Variants in PRKG1 observed in about 807,000 individuals in gnomAD.
The protein encoded by PRKG1 is protein kinase cGMP-dependent 1.
A neutral mutation model predicts 88.1 loss-of-function variants in PRKG1; 35 were observed. The observed-to-expected ratio is 0.40, with a 90% confidence interval of 0.30 to 0.53. PRKG1 has a LOEUF of 0.53. PRKG1 is among the 20% of genes least tolerant of loss of function. The pLI is 0.59. For missense variants in PRKG1, 540 were observed against 839.8 expected (o/e 0.64, Z 4.41); for synonymous variants, 303 against 292.5 (o/e 1.04, Z -0.37).
chr10:51,395,667 G>A lies in PRKG1; in HGVS notation c.479-72056G>A, dbSNP rs531025793. On this transcript the variant is annotated intron_variant, in intron 2 of 17. Coordinates refer to ENST00000373980, the MANE Select transcript of PRKG1 (RefSeq NM_006258.4). ...AAAAGTGGGAGAATTGAATGGCTGA[G>A]TAGAAGTAATTTTTCAGCGTTGGAA... Among the ~76,000 whole-genome samples, 63 of 152,328 alleles carry A rather than the reference G, an allele frequency of 4.1e-4. 1 individual carries two copies. In the South Asian group the frequency reaches 0.013, roughly 31 times the overall value.
chr10:51,364,350 C>G (rs1313085967), intron 2 of PRKG1, among the ~76,000 whole-genome samples: 2 of 151,958 alleles, frequency 1.3e-5, no homozygotes, highest in African/African-American at 4.8e-5. Context: ...ATACAAATAT[C>G]TGGTTTGGGC....
At chr10:51,760,948 C>G (rs542111904) in intron 3 of PRKG1, among the ~76,000 whole-genome samples, 10 of 152,032 alleles carry the variant, frequency 6.6e-5, no homozygotes, top group Non-Finnish European at 1.3e-4. Flanking sequence ...AATGCTGTCT[C>G]TACTAAAAAT....
chr10:51,803,705 T>C (rs972119366), intron 3 of PRKG1, among the ~76,000 whole-genome samples: 1 of 152,022 alleles, frequency 6.6e-6, no homozygotes, highest in African/African-American at 2.4e-5. Flanking sequence ...CCCATGACTA[T>C]GATATTTGAA....
chr10:52,132,401 G>C (rs534045451), intron 7 of PRKG1, among the ~76,000 whole-genome samples: 87 of 152,196 alleles, frequency 5.7e-4, no homozygotes, highest in African/African-American at 2.0e-3. Context: ...AAGGATTTTA[G>C]TAAGGGAGAA....
intron 3 of PRKG1, among the ~76,000 whole-genome samples, chr10:51,727,447 C>G (rs775947982): frequency 1.3e-5 from 2 of 152,118 alleles, no homozygotes; most frequent in Non-Finnish European, 2.9e-5. Context: ...ATGTGTCACT[C>G]TTAGCAGACT....
intron 7 of PRKG1, among the ~76,000 whole-genome samples, chr10:52,073,314 G>C (rs1286239377): frequency 6.6e-6 from 1 of 152,150 alleles, no homozygotes; most frequent in East Asian, 1.9e-4. Context: ...TTGAGGGCTA[G>C]GGCTTCGACA....
intron 9 of PRKG1, among the ~76,000 whole-genome samples, chr10:52,229,182 C>G (rs189421043): frequency 6.6e-6 from 1 of 151,892 alleles, no homozygotes; most frequent in African/African-American, 2.4e-5. Flanking sequence ...CTGAGAATGT[C>G]CCCCCAATAA....
intron 5 of PRKG1, among the ~76,000 whole-genome samples, chr10:52,043,934 C>G (rs1405595621): frequency 8.5e-6 from 1 of 117,524 alleles, no homozygotes; most frequent in South Asian, 2.8e-4. Flanking sequence ...AAAAAAAACC[C>G]AAGCATTTGT....
intron 3 of PRKG1, among the ~76,000 whole-genome samples, chr10:51,655,495 G>A (rs764373392): frequency 5.3e-5 from 8 of 151,980 alleles, no homozygotes; most frequent in Non-Finnish European, 1.0e-4. Flanking sequence ...AGCACATTTA[G>A]AATCTTTATT....
chr10:51,302,995 T>G (rs1490736291), intron 2 of PRKG1, among the ~76,000 whole-genome samples: 1 of 152,084 alleles, frequency 6.6e-6, no homozygotes, highest in African/African-American at 2.4e-5. Flanking sequence ...ATAGAGAGAT[T>G]AATTCCAACC....
chr10:51,138,971 T>G (rs1223791585), intron 1 of PRKG1, among the ~76,000 whole-genome samples: 1 of 152,066 alleles, frequency 6.6e-6, no homozygotes, highest in Non-Finnish European at 1.5e-5. Flanking sequence ...CATGAGCCAC[T>G]CCGCCCGGCC....
intron 2 of PRKG1, among the ~76,000 whole-genome samples, chr10:51,426,273 T>C (rs181674654): frequency 2.1e-4 from 32 of 152,126 alleles, no homozygotes; most frequent in African/African-American, 7.2e-4. Context: ...AGAGCAAGAC[T>C]CTGTCTCAAA....
At chr10:51,199,649 T>A (rs1279824559) in intron 2 of PRKG1, among the ~76,000 whole-genome samples, 1 of 152,200 alleles carries the variant, frequency 6.6e-6, no homozygotes, top group African/African-American at 2.4e-5. Flanking sequence ...TAAGAGGAAG[T>A]TGAAAGTGAG....
At chr10:51,698,154 T>A (rs759400764) in intron 3 of PRKG1, 1 of 1,614,158 alleles carries the variant, frequency 6.2e-7, no homozygotes, top group Non-Finnish European at 8.5e-7. Flanking sequence ...CCTCTTGAAC[T>A]GGGGACAGGG....
intron 1 of PRKG1, among the ~76,000 whole-genome samples, chr10:51,112,898 G>A (rs539268542): frequency 8.5e-5 from 13 of 152,264 alleles, no homozygotes; most frequent in Non-Finnish European, 1.8e-4. Flanking sequence ...TGAAAACACT[G>A]TTAGCATATT....
intron 3 of PRKG1, among the ~76,000 whole-genome samples, chr10:51,734,910 C>T (rs1837224942): frequency 1.3e-5 from 2 of 152,304 alleles, no homozygotes. Context: ...AAGGTCCCAT[C>T]TATAGTGTGT....
intron 2 of PRKG1, among the ~76,000 whole-genome samples, chr10:51,351,612 A>G (rs904531905): frequency 6.6e-6 from 1 of 150,960 alleles, no homozygotes; most frequent in Non-Finnish European, 1.5e-5. Context: ...TGTTTGTTTT[A>G]TCTTGTAATT....
chr10:52,055,229 A>C (rs1266996232), intron 6 of PRKG1, among the ~76,000 whole-genome samples: 1 of 152,260 alleles, frequency 6.6e-6, no homozygotes, highest in Non-Finnish European at 1.5e-5. Flanking sequence ...CTGGGCTTTG[A>C]AATCAGATGG....
chr10:52,264,840 G>T (rs1440465675), intron 10 of PRKG1, among the ~76,000 whole-genome samples: 2 of 152,010 alleles, frequency 1.3e-5, no homozygotes, highest in South Asian at 2.1e-4. Flanking sequence ...CATATGTTGG[G>T]GTTGAGAGGG....
Sources: gnomAD v4.1 joint callset for allele counts (sites outside exome capture counted in the v4.1 genomes callset) on GRCh38, gnomAD v4.1.1 for gene constraint, MANE v1.5 for transcripts, NCBI Gene and HGNC (gene_info 2026-07-23, HGNC 2026-07-21) for gene names.